Variants in TNS3 observed in about 807,000 individuals in gnomAD.
TNS3 encodes the protein tensin-3.
Under a neutral mutation model 140.9 loss-of-function variants are expected in TNS3, and 45 were observed. The ratio of observed to expected loss-of-function variants is 0.32; its 90% CI spans 0.25 to 0.41. TNS3 has a LOEUF of 0.41. Among genes scored for constraint, TNS3 ranks in the 10% least tolerant of loss-of-function variants. The pLI is 1.00. For synonymous variants in TNS3, 815 were observed against 788.4 expected (o/e 1.03, Z -0.56); for missense variants, 1,716 against 1,906.7 (o/e 0.90, Z 1.86).
chr7:47,395,560 G>C (rs983463472), intron 16 of TNS3, among the ~76,000 whole-genome samples: 6 of 152,208 alleles, frequency 3.9e-5, no homozygotes, highest in Non-Finnish European at 7.3e-5. Flanking sequence ...AGATTCCAGT[G>C]TGCACTGTGA....
intron 4 of TNS3, among the ~76,000 whole-genome samples, chr7:47,472,974 C>G (rs930985669): frequency 2.6e-5 from 4 of 152,176 alleles, no homozygotes; most frequent in African/African-American, 9.7e-5. Flanking sequence ...CTGGCCCCAC[C>G]CCTTCCTCAC....
rs770170038 is a variant in TNS3 at position 47,369,673 on chromosome 7, C to T, written c.1025-52G>A. ...CTTTCAGTCAGGGATGAAAGTGAGC[C>T]TCACACCCTCTGAATGGGCGTGTGC... On this transcript the variant is annotated intron_variant, in intron 16 of 30. Transcript: ENST00000311160. 6.0e-6 allele frequency: 9 copies of T among 1,505,994 alleles called. No individual in the cohort carries two copies. In the African/African-American group the frequency reaches 1.1e-4, roughly 19 times the overall value. The allele number at this position is 1,505,994 out of a possible 1,614,324, so 93.3% of individuals were successfully genotyped here.
chr7:47,526,960 T>C (rs889909630), intron 2 of TNS3, among the ~76,000 whole-genome samples: 1 of 151,970 alleles, frequency 6.6e-6, no homozygotes, highest in Admixed American at 6.6e-5. Flanking sequence ...TGGCCGGGCG[T>C]GGTGGCTCAC....
At chr7:47,316,709 T>C (rs1229434650) in intron 20 of TNS3, among the ~76,000 whole-genome samples, 2 of 143,134 alleles carry the variant, frequency 1.4e-5, no homozygotes, top group South Asian at 2.2e-4. Context: ...ACCCGGGAGG[T>C]GGAGGTTGCA....
At chr7:47,410,065 G>T (rs1279845584) in intron 13 of TNS3, among the ~76,000 whole-genome samples, 1 of 152,144 alleles carries the variant, frequency 6.6e-6, no homozygotes, top group Non-Finnish European at 1.5e-5. Flanking sequence ...TTCGTCCAAC[G>T]ATCCCAGGAA....
chr7:47,561,487 T>G (rs1800318637), intron 1 of TNS3, among the ~76,000 whole-genome samples: 1 of 152,132 alleles, frequency 6.6e-6, no homozygotes, highest in Non-Finnish European at 1.5e-5. Flanking sequence ...TTTAAATCGC[T>G]TAGATACCAA....
chr7:47,409,892 C>T (rs1488643579), intron 13 of TNS3, among the ~76,000 whole-genome samples: 2 of 152,128 alleles, frequency 1.3e-5, no homozygotes, highest in South Asian at 2.1e-4. Flanking sequence ...CTCCTGACCT[C>T]GTGATCCGCC....
intron 4 of TNS3, among the ~76,000 whole-genome samples, chr7:47,467,923 T>C (rs1188017117): frequency 6.6e-6 from 1 of 152,118 alleles, no homozygotes; most frequent in Admixed American, 6.5e-5. Flanking sequence ...TCTACATGAG[T>C]ATCCCTTTTG....
At chr7:47,527,449 G>A (rs1034047961) in intron 2 of TNS3, among the ~76,000 whole-genome samples, 3 of 152,110 alleles carry the variant, frequency 2.0e-5, no homozygotes, top group African/African-American at 7.2e-5. Flanking sequence ...ACGCCTGTCC[G>A]AGAGCATCAG....
At chr7:47,571,716 T>C (rs572846130) in intron 1 of TNS3, among the ~76,000 whole-genome samples, 2 of 152,350 alleles carry the variant, frequency 1.3e-5, no homozygotes, top group South Asian at 4.1e-4. Flanking sequence ...GGAACCTTTT[T>C]GGCTACAAAG....
chr7:47,451,538 G>A (rs1273740793), intron 4 of TNS3, among the ~76,000 whole-genome samples: 1 of 152,144 alleles, frequency 6.6e-6, no homozygotes, highest in Admixed American at 6.6e-5. Context: ...CCGAGATGGT[G>A]CCACTGCACT....
chr7:47,559,953 G>A (rs1008089970), intron 1 of TNS3, among the ~76,000 whole-genome samples: 2 of 152,124 alleles, frequency 1.3e-5, no homozygotes, highest in African/African-American at 2.4e-5. Context: ...AGGGATTCAC[G>A]ATGCTGCTGA....
intron 1 of TNS3, among the ~76,000 whole-genome samples, chr7:47,574,257 G>GAT (rs1446174178): frequency 2.0e-5 from 3 of 151,216 alleles, no homozygotes; most frequent in Non-Finnish European, 2.9e-5. Flanking sequence ...TTTTTTAAAT[G>GAT]AAAGACATTC....
At chr7:47,547,690 C>T (rs1273105630) in intron 1 of TNS3, among the ~76,000 whole-genome samples, 1 of 152,156 alleles carries the variant, frequency 6.6e-6, no homozygotes, top group Non-Finnish European at 1.5e-5. Flanking sequence ...GGCCCCACGT[C>T]TACGCCGCCA....
Position 47,569,622 on chromosome 7 carries a change from G to C in TNS3, c.-265+12429C>G, listed in dbSNP as rs563098283. 7.5e-4 allele frequency among the ~76,000 whole-genome samples: 114 copies of C among 152,252 alleles called. 1 individual carries two copies. The highest frequency in any genetic ancestry group is 2.5e-3 in the African/African-American group (102 of 41,538). ...TAATCCTAACACTTTGGGAGGCCAA[G>C]GTGGGTGGATCACCTGAGATCATGA... On this transcript the variant is annotated intron_variant, in intron 1 of 30. Transcript: ENST00000311160.
intron 1 of TNS3, among the ~76,000 whole-genome samples, chr7:47,531,930 T>G (rs369429306): frequency 6.6e-6 from 1 of 152,070 alleles, no homozygotes; most frequent in East Asian, 1.9e-4. Flanking sequence ...GCTGCAGACC[T>G]GGGCCTCCCA....
intron 17 of TNS3, among the ~76,000 whole-genome samples, chr7:47,346,999 T>TG (rs1789382978): frequency 6.6e-6 from 1 of 152,040 alleles, no homozygotes; most frequent in South Asian, 2.1e-4. Flanking sequence ...TTGGTGAAAA[T>TG]GGGGGTCGGG....
At chr7:47,578,930 C>T (rs1784463857) in intron 1 of TNS3, among the ~76,000 whole-genome samples, 1 of 151,802 alleles carries the variant, frequency 6.6e-6, no homozygotes, top group Admixed American at 6.6e-5. Context: ...TAGTCCTGCT[C>T]AGCAGCATTT....
upstream of TNS3, chr7:47,582,411 G>T (rs1784558824): frequency 2.2e-6 from 1 of 456,388 alleles, no homozygotes; most frequent in African/African-American, 2.0e-5. Context: ...GTTCCGCCGG[G>T]CCGGTGTTAG....
Sources: gnomAD v4.1 joint callset for allele counts (sites outside exome capture counted in the v4.1 genomes callset) on GRCh38, gnomAD v4.1.1 for gene constraint, MANE v1.5 for transcripts, NCBI Gene and HGNC (gene_info 2026-07-23, HGNC 2026-07-21) for gene names.